UGT1A6: variants seen among roughly 807,000 people sequenced by gnomAD.
UGT1A6 encodes UDP glucuronosyltransferase family 1 member A6, also known as UDP-glucuronosyltransferase 1A6.
UGT1A6 carries 32 observed loss-of-function variants against 44.4 expected under a neutral mutation model. The ratio of observed to expected loss-of-function variants is 0.72; its 90% CI spans 0.54 to 0.97. The LOEUF is 0.97. UGT1A6 is among the 50% of genes least tolerant of loss of function. The pLI is 0.00. For missense variants in UGT1A6, 685 were observed against 661.9 expected (o/e 1.03, Z -0.38); for synonymous variants, 238 against 248.5 (o/e 0.96, Z 0.40).
intron 1 of UGT1A6, among the ~76,000 whole-genome samples, chr2:233,701,088 A>T (rs1483138607): frequency 6.6e-6 from 1 of 152,152 alleles, no homozygotes; most frequent in Non-Finnish European, 1.5e-5. Context: ...CATGGTGTAT[A>T]TGTGCCACAT....
intron 1 of UGT1A6, chr2:233,713,205 G>C: frequency 6.2e-7 from 1 of 1,614,240 alleles, no homozygotes; most frequent in Non-Finnish European, 8.5e-7. Context: ...CATCAAAGAA[G>C]AGAACTTTTT....
intron 1 of UGT1A6, among the ~76,000 whole-genome samples, chr2:233,698,795 G>A (rs1041135412): frequency 5.3e-5 from 8 of 152,198 alleles, no homozygotes; most frequent in African/African-American, 1.7e-4. Flanking sequence ...GGTAACCTCT[G>A]GGCTCCCAGC....
chr2:233,757,438 T>C (rs528123504), intron 1 of UGT1A6, among the ~76,000 whole-genome samples: 24 of 151,360 alleles, frequency 1.6e-4, no homozygotes, highest in African/African-American at 5.8e-4. Flanking sequence ...AAGTCACTTC[T>C]ATACAGAAAC....
At chr2:233,730,892 ACTC>A (rs1261196505) in intron 1 of UGT1A6, among the ~76,000 whole-genome samples, 1 of 151,952 alleles carries the variant, frequency 6.6e-6, no homozygotes, top group African/African-American at 2.4e-5. Context: ...AGTGGGATCT[ACTC>A]CTTTACCAAA....
intron 1 of UGT1A6, chr2:233,750,518 C>A (rs560132107): frequency 6.6e-6 from 1 of 152,090 alleles, no homozygotes; most frequent in South Asian, 2.1e-4. Flanking sequence ...ATTGCCAAGA[C>A]AATGGGGAAA....
At chr2:233,727,846 T>C (rs1234756694) in intron 1 of UGT1A6, among the ~76,000 whole-genome samples, 1 of 152,150 alleles carries the variant, frequency 6.6e-6, no homozygotes, top group East Asian at 1.9e-4. Context: ...TGTGGAGTAA[T>C]TTCCTCCCTA....
intron 1 of UGT1A6, among the ~76,000 whole-genome samples, chr2:233,745,959 A>G (rs923729881): frequency 6.6e-6 from 1 of 151,676 alleles, no homozygotes; most frequent in African/African-American, 2.4e-5. Flanking sequence ...ACTGGGGGAC[A>G]GGGGCCCTGA....
At chr2:233,751,878 G>C (rs139907629) in intron 1 of UGT1A6, among the ~76,000 whole-genome samples, 11 of 152,224 alleles carry the variant, frequency 7.2e-5, no homozygotes, top group African/African-American at 2.4e-4. Flanking sequence ...CCCCGTCTTG[G>C]GTATGTCTTT....
intron 2 of UGT1A6, among the ~76,000 whole-genome samples, chr2:233,767,645 G>A (rs193254313): frequency 6.6e-5 from 10 of 152,224 alleles, no homozygotes; most frequent in South Asian, 2.1e-4. Context: ...ACAAATTCAC[G>A]TAGTGCATAC....
chr2:233,772,713 T>G lies in UGT1A6; in HGVS notation c.*154T>G. ...GAGTGCTTTAAAAAATTCTCTTAAA[T>G]AAAAATAATAGACTCGCTAGTCAGT... On this transcript the variant is annotated 3_prime_UTR_variant, in exon 5 of 5. Transcript: ENST00000305139. The G allele has an allele frequency of 6.8e-7, 1 of 1,465,268 alleles. No individual in the cohort carries two copies. Among genetic ancestry groups the G allele is most frequent in the Non-Finnish European group, 9.0e-7 (1 of 1,113,920 alleles). 90.8% of individuals were successfully genotyped at this position (1,465,268 alleles called of 1,614,324 possible).
chr2:233,723,417 T>A (rs2077082381), intron 1 of UGT1A6, among the ~76,000 whole-genome samples: 1 of 134,694 alleles, frequency 7.4e-6, no homozygotes, highest in Non-Finnish European at 1.6e-5. Context: ...ACCATACTGG[T>A]CAGGCTGGTC....
intron 1 of UGT1A6, among the ~76,000 whole-genome samples, chr2:233,701,487 A>G (rs1350791546): frequency 2.0e-5 from 3 of 152,174 alleles, no homozygotes; most frequent in African/African-American, 7.2e-5. Context: ...CTCTGCACCA[A>G]GCGGACCTAA....
chr2:233,732,685 AC>A (rs1163255557), intron 1 of UGT1A6, among the ~76,000 whole-genome samples: 1 of 150,632 alleles, frequency 6.6e-6, no homozygotes, highest in African/African-American at 2.4e-5. Context: ...TGGTACCAGC[AC>A]CCATGCTGTT....
chr2:233,718,192 C>T (rs1341668137), intron 1 of UGT1A6, among the ~76,000 whole-genome samples: 5 of 152,272 alleles, frequency 3.3e-5, no homozygotes, highest in South Asian at 2.1e-4. Flanking sequence ...TCAGCCTCCC[C>T]GGAGCTTTTT....
chr2:233,769,689 T>C lies in UGT1A6; in HGVS notation c.1301+1250T>C. On this transcript the variant is annotated intron_variant, in intron 4 of 4. Transcript: ENST00000305139. This position sits in a 1 kb window ranked among gnomAD's most constrained non-coding sequence, Gnocchi z 4.4. ...GGTGCTAATGTGTGTGTGGTGGCAC[T>C]GGATAAAAGATCAATGTTGGCTAGG... 6.5e-7 allele frequency: 1 copy of C among 1,550,140 alleles called. No homozygotes were observed. Among genetic ancestry groups the C allele is most frequent in the Non-Finnish European group, 8.7e-7 (1 of 1,147,494 alleles).
chr2:233,757,231 AGTG>A (rs1225021845), intron 1 of UGT1A6, among the ~76,000 whole-genome samples: 2 of 127,510 alleles, frequency 1.6e-5, no homozygotes, highest in African/African-American at 6.0e-5. Flanking sequence ...AGGTTCCAGA[AGTG>A]GTGGTGAGGT....
chr2:233,729,506 C>G lies in UGT1A6; in HGVS notation c.861+35641C>G, dbSNP rs192895083. ...AATATGTCTTTGGTCTATCATAGGT[C>G]TTGTGTGGAGCTACTACATAATGAG... On this transcript the variant is annotated intron_variant, in intron 1 of 4. Transcript: ENST00000305139. The G allele has an allele frequency of 6.7e-5, 108 of 1,614,162 alleles. No homozygotes were observed. Among genetic ancestry groups the G allele is most frequent in the Non-Finnish European group, 8.6e-5 (102 of 1,180,030 alleles).
chr2:233,718,364 C>T (rs3732221), intron 1 of UGT1A6, among the ~76,000 whole-genome samples: 15,455 of 152,278 alleles, frequency 0.1, 904 homozygotes, highest in East Asian at 0.2. Flanking sequence ...GTGTTATTCA[C>T]ATATGAGAAG....
chr2:233,737,268 C>T (rs1008079233), intron 1 of UGT1A6, among the ~76,000 whole-genome samples: 4 of 152,268 alleles, frequency 2.6e-5, no homozygotes, highest in African/African-American at 9.6e-5. Context: ...CAATGGCGGA[C>T]ACCCCTCACC....
Sources: gnomAD v4.1 joint callset for allele counts (sites outside exome capture counted in the v4.1 genomes callset) on GRCh38, gnomAD v4.1.1 for gene constraint, Gnocchi (gnomAD v3.1) non-coding constraint, MANE v1.5 for transcripts, NCBI Gene and HGNC (gene_info 2026-07-23, HGNC 2026-07-21) for gene names.